TEX15: variants seen among roughly 807,000 people sequenced by gnomAD.
TEX15 encodes testis expressed 15, meiosis and synapsis associated.
A neutral mutation model predicts 237.3 loss-of-function variants in TEX15; 171 were observed. The ratio of observed to expected loss-of-function variants is 0.72; its 90% confidence interval spans 0.64 to 0.82. TEX15 has a LOEUF of 0.82. TEX15 is among the 40% of genes least tolerant of loss of function. The pLI is 0.00. For missense variants in TEX15, 3,750 were observed against 3,646.5 expected (o/e 1.03, Z -0.73); for synonymous variants, 1,338 against 1,269.8 (o/e 1.05, Z -1.14).
At chr8:30,867,022 T>C (rs1181497121) in intron 5 of TEX15, among the ~76,000 whole-genome samples, 2 of 148,802 alleles carry the variant, frequency 1.3e-5, no homozygotes, top group Non-Finnish European at 3.0e-5. Context: ...AAAATATACA[T>C]ATTGGGAAGA....
At position 30,843,041 on chromosome 8, in the gene TEX15, A is replaced by G. The variant is rs765816458; in HGVS notation, c.7126T>C (p.Leu2376=). The G allele has an allele frequency of 1.4e-5, 23 of 1,613,490 alleles. No individual in the cohort carries two copies. In the South Asian group the frequency reaches 1.4e-4, roughly 10 times the overall value. ...HPDICCISEI[L]DQAEFADLKK... ...AGGTCTGCAAATTCAGCCTGATCCA[A>G]TATCTCACTAATACAACAAATATCT... is the stretch of plus-strand genomic sequence containing the variant. Residue 2376 remains leucine, a synonymous_variant, in exon 8 of 11, where the codon TTG becomes CTG. Coordinates refer to ENST00000643185, the MANE Select transcript of TEX15 (RefSeq NM_001350162.2).
In TEX15 at chr8:30,839,911, ATGCTTGAATGT is replaced by A; in HGVS notation, c.8206_8216del (p.Thr2736SerfsTer20). 1 of 1,601,008 alleles carries A rather than the reference ATGCTTGAATGT, an allele frequency of 6.2e-7. No individual in the cohort carries two copies. Among genetic ancestry groups the A allele is most frequent in the Non-Finnish European group, 8.5e-7 (1 of 1,173,978 alleles). On this transcript the variant is annotated frameshift_variant, in exon 9 of 11. Coordinates refer to ENST00000643185, the MANE Select transcript of TEX15 (RefSeq NM_001350162.2). LOFTEE classifies it high-confidence loss of function. ...GGGCTGATGGGAACTCCTACCTTGGATGCTTGAATGTTGCCTTTTCTCTGTTGATTTTTGTG... is the reference window on the plus strand; with the variant it reads ...GGGCTGATGGGAACTCCTACCTTGGATGCCTTTTCTCTGTTGATTTTTGTG...
Position 30,881,628 on chromosome 8 carries a change from TA to T in TEX15, c.136+5538del, listed in dbSNP as rs200528767. Reference sequence around the variant, plus strand: ...ATCTTGACTTTTTATTTTTTTTTATTATTTTTTTTTTTTGAGACAGTCTTGC... The same window carrying T: ...ATCTTGACTTTTTATTTTTTTTTATTTTTTTTTTTTTTGAGACAGTCTTGC... On this transcript the variant is annotated intron_variant, in intron 3 of 10. Coordinates refer to ENST00000643185, the MANE Select transcript of TEX15 (RefSeq NM_001350162.2). Among the ~76,000 whole-genome samples, 707 of 92,362 alleles carry T rather than the reference TA, an allele frequency of 7.7e-3. 128 individuals are homozygous for T. The highest frequency in any genetic ancestry group is 0.045 in the African/African-American group (411 of 9,100). 60.6% of individuals were successfully genotyped at this position (92,362 alleles called of 152,430 possible).
intron 3 of TEX15, among the ~76,000 whole-genome samples, chr8:30,875,566 G>A (rs577277455): frequency 5.2e-4 from 79 of 152,288 alleles, no homozygotes; most frequent in Non-Finnish European, 9.8e-4. Context: ...ATGTGAAAGA[G>A]GAAACAGACT....
chr8:30,880,186 G>A lies in TEX15; in HGVS notation c.137-5084C>T, dbSNP rs975409370. On this transcript the variant is annotated intron_variant, in intron 3 of 10. Coordinates refer to ENST00000643185, the MANE Select transcript of TEX15 (RefSeq NM_001350162.2). ...TGGGATTATAGGCACCCACCACCAC[G>A]CCTAGCTAATTTTTTTCTGTTTTTA... is the stretch of plus-strand genomic sequence containing the variant. 7.3e-5 allele frequency among the ~76,000 whole-genome samples: 11 copies of A among 150,842 alleles called. No individual in the cohort carries two copies. In the East Asian group the frequency reaches 1.6e-3, roughly 21 times the overall value.
chr8:30,893,393 A>C (rs562527328), intron 2 of TEX15, among the ~76,000 whole-genome samples: 3 of 152,330 alleles, frequency 2.0e-5, no homozygotes, highest in African/African-American at 7.2e-5. Flanking sequence ...ATTTAGCTTC[A>C]TCAACCACCA....
At chr8:30,850,671 C>A (rs2128768755) in intron 7 of TEX15, among the ~76,000 whole-genome samples, 1 of 151,604 alleles carries the variant, frequency 6.6e-6, no homozygotes, top group East Asian at 1.9e-4. Flanking sequence ...TACACCTACA[C>A]CAAAATAAAA....
At chr8:30,904,789 T>C (rs1809067189) in intron 1 of TEX15, among the ~76,000 whole-genome samples, 1 of 152,218 alleles carries the variant, frequency 6.6e-6, no homozygotes, top group African/African-American at 2.4e-5. Flanking sequence ...ATTTTCCACA[T>C]TTTAGTATGA....
At chr8:30,851,278 T>C (rs561465696) in intron 7 of TEX15, among the ~76,000 whole-genome samples, 11 of 152,220 alleles carry the variant, frequency 7.2e-5, no homozygotes, top group Non-Finnish European at 1.5e-4. Flanking sequence ...ACTATGAGCA[T>C]ACGTTATAAC....
chr8:30,851,242 A>G (rs1807777444), intron 7 of TEX15, among the ~76,000 whole-genome samples: 1 of 152,232 alleles, frequency 6.6e-6, no homozygotes, highest in South Asian at 2.1e-4. Context: ...TGGCTAAATG[A>G]ATGACATATC....
chr8:30,861,390 T>C (rs561197669), intron 5 of TEX15, among the ~76,000 whole-genome samples: 3 of 152,166 alleles, frequency 2.0e-5, no homozygotes, highest in Non-Finnish European at 2.9e-5. Context: ...CAACAAATGA[T>C]TTAAAAACTA....
intron 2 of TEX15, among the ~76,000 whole-genome samples, chr8:30,896,207 T>G (rs2128778049): frequency 6.6e-6 from 1 of 152,280 alleles, no homozygotes; most frequent in South Asian, 2.1e-4. Flanking sequence ...AAAAAAAGTG[T>G]TTCTGGGTTA....
chr8:30,847,859 C>G lies in TEX15; in HGVS notation c.2308G>C (p.Asp770His). ...IITEAFPKPKDIPQAKEMFID... is the reference protein window; with the variant it reads ...IITEAFPKPKHIPQAKEMFID... ...AACATTTCTTTGGCCTGGGGTATGT[C>G]TTTTGGTTTCGGGAAAGCTTCAGTT... Residue 770 changes from aspartate to histidine, a missense_variant, in exon 8 of 11, where the codon GAC becomes CAC. Physicochemically the swap from Asp to His is moderately conservative, Grantham distance 81. Transcript: ENST00000643185. 2 of 1,613,798 alleles carry G rather than the reference C, an allele frequency of 1.2e-6. No homozygotes were observed. The highest frequency in any genetic ancestry group is 1.7e-6 in the Non-Finnish European group (2 of 1,179,936).
chr8:30,878,696 A>G (rs1473747596), intron 3 of TEX15, among the ~76,000 whole-genome samples: 2 of 151,916 alleles, frequency 1.3e-5, no homozygotes, highest in African/African-American at 4.8e-5. Context: ...CTGCGTGCTT[A>G]CTTATTTTTT....
At chr8:30,878,888 C>T (rs1173117608) in intron 3 of TEX15, among the ~76,000 whole-genome samples, 1 of 152,176 alleles carries the variant, frequency 6.6e-6, no homozygotes, top group Admixed American at 6.5e-5. Flanking sequence ...ATCTTACATT[C>T]CCTAATGGCA....
intron 4 of TEX15, among the ~76,000 whole-genome samples, chr8:30,873,567 T>G (rs1011475501): frequency 5.9e-5 from 9 of 152,142 alleles, no homozygotes; most frequent in African/African-American, 1.7e-4. Flanking sequence ...CTCATTGCCC[T>G]CTTCCCTTGA....
chr8:30,847,263 T>C lies in TEX15; in HGVS notation c.2904A>G (p.Thr968=). The C allele has an allele frequency of 6.2e-7, 1 of 1,613,904 alleles. No individual in the cohort carries two copies. Among genetic ancestry groups the C allele is most frequent in the Non-Finnish European group, 8.5e-7 (1 of 1,179,852 alleles). The change falls in exon 8 of 11, where the codon ACA becomes ACG. Residue 968 remains threonine, a synonymous_variant. Coordinates refer to ENST00000643185, the MANE Select transcript of TEX15 (RefSeq NM_001350162.2). ...GRSVEHLAST[T]FPKTASSSVC... ...CTGAAGAACTTGCAGTTTTGGGAAATGTCGTGGAAGCCAAATGCTCTACAC... is the reference window on the plus strand; with the variant it reads ...CTGAAGAACTTGCAGTTTTGGGAAACGTCGTGGAAGCCAAATGCTCTACAC...
At chr8:30,894,519 CCA>C (rs1808856120) in intron 2 of TEX15, among the ~76,000 whole-genome samples, 1 of 152,036 alleles carries the variant, frequency 6.6e-6, no homozygotes, top group Non-Finnish European at 1.5e-5. Context: ...ACATCTAAGA[CCA>C]ATAAAATAGG....
intron 3 of TEX15, among the ~76,000 whole-genome samples, chr8:30,880,676 T>C (rs188168397): frequency 1.8e-4 from 27 of 152,326 alleles, no homozygotes; most frequent in Admixed American, 1.5e-3. Flanking sequence ...CATAAAATTA[T>C]GTGTTAATCA....
Sources: gnomAD v4.1 joint callset for allele counts (sites outside exome capture counted in the v4.1 genomes callset) on GRCh38, gnomAD v4.1.1 for gene constraint, MANE v1.5 for transcripts, NCBI Gene and HGNC (gene_info 2026-07-23, HGNC 2026-07-21) for gene names.